The following RASAL2 variants were observed in gnomAD, a reference collection of about 807,000 sequenced individuals.
RASAL2 encodes ras GTPase-activating protein nGAP.
Under a neutral mutation model 128.9 loss-of-function variants are expected in RASAL2, and 58 were observed. The ratio of observed to expected loss-of-function variants is 0.45; its 90% CI spans 0.36 to 0.56. The LOEUF (loss-of-function observed/expected upper bound fraction) is 0.56. RASAL2 is among the 20% of genes least tolerant of loss of function. The pLI is 0.00. For synonymous variants in RASAL2, 561 were observed against 580.8 expected, an observed-to-expected ratio of 0.97 and a Z score of 0.49; for missense variants, 1,360 against 1,601.6, an observed-to-expected ratio of 0.85 and a Z score of 2.57.
intron 3 of RASAL2, among the ~76,000 whole-genome samples, chr1:178,368,036 A>G (rs1052765683): frequency 6.6e-6 from 1 of 152,220 alleles, no homozygotes; most frequent in African/African-American, 2.4e-5. Flanking sequence ...TTTTTGTGCT[A>G]TAACAGTGGA....
intron 1 of RASAL2, among the ~76,000 whole-genome samples, chr1:178,255,086 C>T (rs1263204529): frequency 6.6e-6 from 1 of 151,946 alleles, no homozygotes; most frequent in African/African-American, 2.4e-5. Flanking sequence ...TTATGTCTAA[C>T]AAAGCTATCT....
intron 3 of RASAL2, among the ~76,000 whole-genome samples, chr1:178,364,369 T>C (rs1205005694): frequency 6.6e-6 from 1 of 152,166 alleles, no homozygotes; most frequent in African/African-American, 2.4e-5. Context: ...CAACCTCCAA[T>C]ACTGGCTATA....
intron 3 of RASAL2, among the ~76,000 whole-genome samples, chr1:178,351,302 A>G (rs185923402): frequency 6.6e-6 from 1 of 152,336 alleles, no homozygotes; most frequent in Admixed American, 6.5e-5. Context: ...TTCAAAATAC[A>G]GTCATGCCTT....
intron 3 of RASAL2, among the ~76,000 whole-genome samples, chr1:178,356,109 A>G (rs1248046433): frequency 1.4e-5 from 2 of 146,360 alleles, no homozygotes; most frequent in East Asian, 4.4e-4. Flanking sequence ...CAGAGGCTGC[A>G]GTGAGCCGAG....
chr1:178,384,064 A>G (rs183457314), intron 3 of RASAL2, among the ~76,000 whole-genome samples: 2 of 152,324 alleles, frequency 1.3e-5, no homozygotes, highest in South Asian at 2.1e-4. Context: ...CTTGTTTCCT[A>G]CCTACAAATA....
intron 3 of RASAL2, among the ~76,000 whole-genome samples, chr1:178,385,432 A>G (rs1377232413): frequency 6.6e-6 from 1 of 152,138 alleles, no homozygotes; most frequent in African/African-American, 2.4e-5. Context: ...CTTAAAAAAA[A>G]GAAAGAAAAA....
At chr1:178,398,202 A>G (rs1322059171) in intron 4 of RASAL2, among the ~76,000 whole-genome samples, 1 of 152,080 alleles carries the variant, frequency 6.6e-6, no homozygotes, top group Non-Finnish European at 1.5e-5. Flanking sequence ...ACTATAAGGG[A>G]GATAGTACTA....
chr1:178,295,827 A>C (rs1414009978), intron 2 of RASAL2, among the ~76,000 whole-genome samples: 1 of 152,220 alleles, frequency 6.6e-6, no homozygotes, highest in African/African-American at 2.4e-5. Flanking sequence ...TAAAGTACTG[A>C]AAAATCCTCT....
At chr1:178,442,548 G>A in intron 7 of RASAL2, 127 bp from the exon 8 acceptor site, 2 of 709,246 alleles carry the variant, frequency 2.8e-6, no homozygotes, top group South Asian at 4.4e-5. Flanking sequence ...CAATGAGATA[G>A]CAATCCCTTT....
At chr1:178,142,407 C>T (rs1336022013) in intron 1 of RASAL2, among the ~76,000 whole-genome samples, 1 of 152,070 alleles carries the variant, frequency 6.6e-6, no homozygotes, top group Non-Finnish European at 1.5e-5. Flanking sequence ...GTTTTAAGAA[C>T]TTGTTGATAT....
intron 3 of RASAL2, among the ~76,000 whole-genome samples, chr1:178,340,188 G>T (rs1056841437): frequency 6.6e-6 from 1 of 152,010 alleles, no homozygotes; most frequent in African/African-American, 2.4e-5. Context: ...AAATATAAAT[G>T]GGTAGATAGA....
At position 178,456,919 on chromosome 1, in the gene RASAL2, A is replaced by G; in HGVS notation, c.2390+20A>G. ...TGACAGGTATGAAAGAGAGAATTTG[A>G]CCACTATCTCGGAGAAACATAATGT... On this transcript the variant is annotated intron_variant, in intron 13 of 17. Coordinates refer to ENST00000367649, the MANE Select transcript of RASAL2 (RefSeq NM_170692.4). 6.2e-7 allele frequency: 1 copy of G among 1,603,566 alleles called. No individual in the cohort carries two copies.
At chr1:178,345,538 G>T (rs988127060) in intron 3 of RASAL2, among the ~76,000 whole-genome samples, 1 of 152,116 alleles carries the variant, frequency 6.6e-6, no homozygotes, top group Non-Finnish European at 1.5e-5. Flanking sequence ...TTTATATGAA[G>T]ATTAGTAAAA....
rs148280994 is a variant in RASAL2, at chr1:178,475,543, A to T, written c.*2304A>T. ...AAGAGAATTGTCAGTTTCATTGGCC[A>T]TAAGTATGTAATGTGGGTGATGTCT... On this transcript the variant is annotated 3_prime_UTR_variant, in exon 18 of 18. Coordinates refer to ENST00000367649, the MANE Select transcript of RASAL2 (RefSeq NM_170692.4). The T allele has an allele frequency of 6.6e-6, 1 of 152,228 alleles. No individual in the cohort carries two copies. Among genetic ancestry groups the T allele is most frequent in the Admixed American group, 6.5e-5 (1 of 15,290 alleles). The allele number at this position is 152,228 out of a possible 1,614,324, so 9.4% of individuals were successfully genotyped here.
rs186602349 is a variant in RASAL2 at position 178,445,673 on chromosome 1, G to A, written c.1627+11G>A. On this transcript the variant is annotated intron_variant, in intron 9 of 17. Transcript: ENST00000367649. ...TTCATGACGCACTGGGTATGAAAGA[G>A]AAAAACATCTATTTTCTTTTATTTA... The A allele has an allele frequency of 6.3e-7, 1 of 1,592,782 alleles. No homozygotes were observed. The highest frequency in any genetic ancestry group is 2.2e-5 in the East Asian group (1 of 44,458).
intron 1 of RASAL2, among the ~76,000 whole-genome samples, chr1:178,141,193 C>CTTTCTTTTTT (rs1660516335): frequency 1.4e-5 from 1 of 73,936 alleles, no homozygotes; most frequent in African/African-American, 5.3e-5. Context: ...CTTTTCTTTT[C>CTTTCTTTTTT]TTTTTTTTTT....
intron 1 of RASAL2, among the ~76,000 whole-genome samples, chr1:178,185,076 G>T (rs1662242983): frequency 6.7e-6 from 1 of 149,460 alleles, no homozygotes; most frequent in South Asian, 2.1e-4. Context: ...TTTGTTGTAT[G>T]TGTGGGGATG....
chr1:178,389,544 A>G (rs1445507229), intron 3 of RASAL2, among the ~76,000 whole-genome samples: 1 of 152,120 alleles, frequency 6.6e-6, no homozygotes, highest in Non-Finnish European at 1.5e-5. Context: ...GAACAAGGAG[A>G]AGCTGATCTA....
chr1:178,382,288 T>A (rs1002001539), intron 3 of RASAL2, among the ~76,000 whole-genome samples: 25 of 152,198 alleles, frequency 1.6e-4, no homozygotes, highest in African/African-American at 5.3e-4. Context: ...CTTTTGTCCC[T>A]TGTTATTGTT....
Sources: gnomAD v4.1 joint callset for allele counts (sites outside exome capture counted in the v4.1 genomes callset) on GRCh38, gnomAD v4.1.1 for gene constraint, MANE v1.5 for transcripts, NCBI Gene and HGNC (gene_info 2026-07-23, HGNC 2026-07-21) for gene names.